FAM178B: variants seen among roughly 807,000 people sequenced by gnomAD.
FAM178B encodes the protein family with sequence similarity 178 member B.
FAM178B carries 82 observed loss-of-function variants against 91.7 expected under a neutral mutation model. The observed-to-expected ratio is 0.89, with a 90% CI of 0.75 to 1.07. The LOEUF is 1.07. Ranked by LOEUF, FAM178B falls within the 50% of genes least tolerant of loss-of-function variation. FAM178B has a pLI of 0.00. For missense variants in FAM178B, 769 were observed against 846.7 expected (o/e 0.91, Z 1.14); for synonymous variants, 368 against 359.4 (o/e 1.02, Z -0.27).
At chr2:96,947,948 C>A in intron 7 of FAM178B, 46 bp from the exon 8 acceptor site, 2 of 1,031,604 alleles carry the variant, frequency 1.9e-6, no homozygotes, top group South Asian at 2.8e-5. Context: ...TGAGCTGGGT[C>A]ATTCCTAAGA....
At position 96,947,906 on chromosome 2, in the gene FAM178B, G is replaced by A. The variant is rs1415989262; in HGVS notation, c.994-4C>T. ...TTTCTGGAGGCCATGTCAGCAGCTA[G>A]GTGGAAAAAAAAAACAAAAACAAAA... On this transcript the variant is annotated splice_polypyrimidine_tract_variant and splice_region_variant and intron_variant, in intron 7 of 16. Transcript: ENST00000490605. The A allele has an allele frequency of 6.6e-7, 1 of 1,517,206 alleles. No homozygotes were observed. Among genetic ancestry groups the A allele is most frequent in the Admixed American group, 2.1e-5 (1 of 47,862 alleles). The allele number at this position is 1,517,206 out of a possible 1,614,324, so 94.0% of individuals were successfully genotyped here. A position where few individuals can be genotyped will look rare whatever the true frequency, so the allele number is the denominator to read the frequency against.
chr2:96,973,771 A>G (rs1221370232), intron 1 of FAM178B, among the ~76,000 whole-genome samples: 1 of 149,536 alleles, frequency 6.7e-6, no homozygotes, highest in East Asian at 2.0e-4. Flanking sequence ...GAGGCCGAGG[A>G]GGGTGGGTCA....
rs567571970 is a variant in FAM178B, at chr2:96,960,315, C to G, written c.860G>C (p.Arg287Pro). 2 of 1,551,738 alleles carry G rather than the reference C, an allele frequency of 1.3e-6. No individual in the cohort carries two copies. The highest frequency in any genetic ancestry group is 1.7e-6 in the Non-Finnish European group (2 of 1,146,982). ...GAGGAACAGCCCTTCCAGGTGGCTG[C>G]GTGGCTTCAGGAGTGAGGAGTCCAG... ...CILDSSLLKP[R>P]SHLEGLFLSS... Residue 287 changes from arginine to proline, a missense_variant, in exon 6 of 17, where the codon CGC becomes CCC. Physicochemically the swap from Arg to Pro is moderately radical, Grantham distance 103. Transcript: ENST00000490605.
At chr2:96,971,510 C>T (rs747059722) in intron 3 of FAM178B, among the ~76,000 whole-genome samples, 3 of 152,132 alleles carry the variant, frequency 2.0e-5, no homozygotes, top group Non-Finnish European at 4.4e-5. Context: ...TTAGGACTCC[C>T]GATCCACTGG....
intron 12 of FAM178B, among the ~76,000 whole-genome samples, chr2:96,907,050 C>T (rs2081070771): frequency 1.3e-5 from 2 of 152,088 alleles, no homozygotes; most frequent in Non-Finnish European, 2.9e-5. Context: ...CAGGGTGGGT[C>T]AGGATGGGGC....
rs1369062190 is a variant in FAM178B at position 96,986,396 on chromosome 2, A to G, written c.-83T>C. 6.8e-7 allele frequency: 1 copy of G among 1,474,154 alleles called. No individual in the cohort carries two copies. Among genetic ancestry groups the G allele is most frequent in the Admixed American group, 2.3e-5 (1 of 43,164 alleles). 91.3% of individuals were successfully genotyped at this position (1,474,154 alleles called of 1,614,324 possible). ...CAGAGGACGGGGCCAGCTAGCCGGGAAAGGAAGCAGGAGCAGGCTCCCCAG... is the reference window on the plus strand; with the variant it reads ...CAGAGGACGGGGCCAGCTAGCCGGGGAAGGAAGCAGGAGCAGGCTCCCCAG... On this transcript the variant is annotated 5_prime_UTR_variant, in exon 1 of 17. Transcript: ENST00000490605.
At chr2:96,920,379 A>G (rs1004869737) in intron 12 of FAM178B, among the ~76,000 whole-genome samples, 4 of 152,196 alleles carry the variant, frequency 2.6e-5, no homozygotes, top group African/African-American at 9.7e-5. Flanking sequence ...AGGCAGGCAC[A>G]TCACGAGGTC....
intron 4 of FAM178B, among the ~76,000 whole-genome samples, chr2:96,969,761 G>A (rs79010210): frequency 0.023 from 3,551 of 152,304 alleles, 146 homozygotes; most frequent in African/African-American, 0.082. Context: ...TTCCCGGGTC[G>A]GAGGAGCCCA....
intron 9 of FAM178B, among the ~76,000 whole-genome samples, chr2:96,924,843 G>T (rs1043920308): frequency 2.0e-5 from 3 of 152,270 alleles, no homozygotes; most frequent in African/African-American, 7.2e-5. Context: ...CCCTGGCACA[G>T]GGGAGGAAGA....
intron 13 of FAM178B, chr2:96,897,765 A>T (rs562264212): frequency 6.3e-6 from 1 of 157,888 alleles, no homozygotes; most frequent in South Asian, 2.0e-4. Flanking sequence ...TCTCTTCTCA[A>T]CACAGCAGGC....
intron 14 of FAM178B, among the ~76,000 whole-genome samples, chr2:96,886,411 G>A (rs1253680843): frequency 6.6e-6 from 1 of 152,212 alleles, no homozygotes; most frequent in Non-Finnish European, 1.5e-5. Context: ...GTTAAAGGAT[G>A]AGGAGACCCA....
chr2:96,896,273 G>A lies in FAM178B; in HGVS notation c.1651-2222C>T, dbSNP rs116072944. ...CTCTTGTGTTTTTCCTCTCACTCAT[G>A]AAAACAGCTTGGCTGTGCTCAGTGC... On this transcript the variant is annotated intron_variant, in intron 13 of 16. Coordinates refer to ENST00000490605, the MANE Select transcript of FAM178B (RefSeq NM_001122646.3). 1.1e-3 allele frequency among the ~76,000 whole-genome samples: 172 copies of A among 152,314 alleles called. 1 individual carries two copies. The highest frequency in any genetic ancestry group is 1.8e-3 in the Non-Finnish European group (125 of 68,026).
At chr2:96,906,472 T>C (rs567920015) in intron 12 of FAM178B, among the ~76,000 whole-genome samples, 1 of 152,274 alleles carries the variant, frequency 6.6e-6, no homozygotes, top group Non-Finnish European at 1.5e-5. Flanking sequence ...TGTGAAGGCC[T>C]GATGTGAACC....
chr2:96,923,593 G>A lies in FAM178B; in HGVS notation c.1194-10C>T, dbSNP rs1559075574. 1 of 1,549,812 alleles carries A rather than the reference G, an allele frequency of 6.5e-7. No homozygotes were observed. Among genetic ancestry groups the A allele is most frequent in the Non-Finnish European group, 8.7e-7 (1 of 1,145,314 alleles). The stretch of plus-strand genomic sequence containing the variant: ...CTCGCCTGGAAGCACCCTGTGGTAA[G>A]ACAACAACAGTGACGATGGGAAACC... On this transcript the variant is annotated splice_polypyrimidine_tract_variant and intron_variant, in intron 9 of 16. Coordinates refer to ENST00000490605, the MANE Select transcript of FAM178B (RefSeq NM_001122646.3).
At position 96,972,572 on chromosome 2, in the gene FAM178B, G is replaced by C. The variant is rs1574320122; in HGVS notation, c.108C>G (p.Pro36=). The part of the protein sequence containing the change: ...QMSHGLQMAG[P]QETVLALPLR... ...GAGGAAGGGCTAGCACCGTCTCCTGGGGCCCAGCCATCTGCAAGCCGTGGG... is the reference window on the plus strand; with the variant it reads ...GAGGAAGGGCTAGCACCGTCTCCTGCGGCCCAGCCATCTGCAAGCCGTGGG... The change falls in exon 2 of 17, where the codon CCC becomes CCG. Residue 36 remains proline, a synonymous_variant. Transcript: ENST00000490605. 1 of 1,551,690 alleles carries C rather than the reference G, an allele frequency of 6.4e-7. No individual in the cohort carries two copies. The highest frequency in any genetic ancestry group is 8.7e-7 in the Non-Finnish European group (1 of 1,146,994).
chr2:96,942,277 A>G (rs2081745447), intron 8 of FAM178B, among the ~76,000 whole-genome samples: 1 of 152,364 alleles, frequency 6.6e-6, no homozygotes, highest in Non-Finnish European at 1.5e-5. Context: ...TAGCAATAGT[A>G]CCCAAAAGTT....
intron 14 of FAM178B, among the ~76,000 whole-genome samples, chr2:96,880,100 G>C (rs748276232): frequency 6.6e-6 from 1 of 152,234 alleles, no homozygotes; most frequent in Non-Finnish European, 1.5e-5. Flanking sequence ...CATTCGGTCA[G>C]GAAATAACAT....
At chr2:96,895,255 A>G (rs1363044617) in intron 13 of FAM178B, 1 of 455,646 alleles carries the variant, frequency 2.2e-6, no homozygotes, top group Non-Finnish European at 3.7e-6. Context: ...CTTTCCTAAC[A>G]GAATCAACGA....
At position 96,879,389 on chromosome 2, in the gene FAM178B, G is replaced by A. The variant is rs369794978; in HGVS notation, c.1777-896C>T. Among the ~76,000 whole-genome samples the A allele has an allele frequency of 1.8e-4, 27 of 152,246 alleles. No individual in the cohort carries two copies. The East Asian group carries it at 2.9e-3, about 16-fold the overall frequency. Reference sequence around the variant, plus strand: ...AGGCTGGAGCTCAGAACCAGCCCACGGCCCCTGTGCCCCAGCTTCCCCTGC... The same window carrying A: ...AGGCTGGAGCTCAGAACCAGCCCACAGCCCCTGTGCCCCAGCTTCCCCTGC... On this transcript the variant is annotated intron_variant, in intron 14 of 16. Transcript: ENST00000490605.
Sources: gnomAD v4.1 joint callset for allele counts (sites outside exome capture counted in the v4.1 genomes callset) on GRCh38, gnomAD v4.1.1 for gene constraint, MANE v1.5 for transcripts, NCBI Gene and HGNC (gene_info 2026-07-23, HGNC 2026-07-21) for gene names.